The following LSAMP variants were observed in gnomAD, a reference collection of about 807,000 sequenced individuals.
LSAMP encodes the protein limbic system associated membrane protein.
A neutral mutation model predicts 38.6 loss-of-function variants in LSAMP; 7 were observed. That is an observed-to-expected ratio of 0.18 (90% CI 0.10 to 0.34). The LOEUF (loss-of-function observed/expected upper bound fraction) is 0.34, where lower values mean the gene tolerates loss of function less well. LSAMP is among the 10% of genes least tolerant of loss of function. The pLI, the probability that LSAMP is intolerant of heterozygous loss-of-function variation, is 1.00. For missense variants in LSAMP, 313 were observed against 420.0 expected, an observed-to-expected ratio of 0.75 and a Z score of 2.23; for synonymous variants, 154 against 166.8, an observed-to-expected ratio of 0.92 and a Z score of 0.59.
At chr3:115,863,419 G>T (rs1576161735) in intron 3 of LSAMP, among the ~76,000 whole-genome samples, 3 of 152,104 alleles carry the variant, frequency 2.0e-5, no homozygotes, top group East Asian at 1.9e-4. Flanking sequence ...ATGGGTGGTG[G>T]TGGAGGGGTG....
chr3:116,155,413 A>T (rs1271728613), intron 1 of LSAMP, among the ~76,000 whole-genome samples: 2 of 151,876 alleles, frequency 1.3e-5, no homozygotes, highest in East Asian at 3.9e-4. Context: ...TTTTTAGTAG[A>T]GATGGGGTTT....
Position 115,803,085 on chromosome 3 carries a change from A to G in LSAMP, c.*7232T>C, listed in dbSNP as rs1424683773. ...GGTTTTCTTCACTTGCAAGAAGCAT[A>G]TTTGTACTGTGCCTGGCTTTACATA... On this transcript the variant is annotated 3_prime_UTR_variant, in exon 7 of 7. Coordinates refer to ENST00000490035, the MANE Select transcript of LSAMP (RefSeq NM_002338.5). 6.6e-6 allele frequency: 1 copy of G among 151,946 alleles called. No homozygotes were observed. Among genetic ancestry groups the G allele is most frequent in the Non-Finnish European group, 1.5e-5 (1 of 68,044 alleles). 9.4% of individuals were successfully genotyped at this position (151,946 alleles called of 1,614,324 possible). A position where few individuals can be genotyped will look rare whatever the true frequency, so the allele number is the denominator to read the frequency against.
intron 1 of LSAMP, among the ~76,000 whole-genome samples, chr3:116,185,030 CT>C (rs368314567): frequency 0.063 from 7,445 of 117,672 alleles, 243 homozygotes; most frequent in East Asian, 0.12. Flanking sequence ...TTCTTTCTTT[CT>C]TTTTTTTTTT....
At chr3:116,268,451 T>C (rs1049160321) in intron 1 of LSAMP, among the ~76,000 whole-genome samples, 4 of 152,098 alleles carry the variant, frequency 2.6e-5, no homozygotes, top group Non-Finnish European at 5.9e-5. Context: ...ATCTGAGGCA[T>C]GGACGGGGGA....
rs114441070 is a variant in LSAMP at position 116,402,648 on chromosome 3, A to G, written c.155+42229T>C. ...CACACATATACAGACATACGTATAC[A>G]TCATCAAGCATATATATATGCGAGT... On this transcript the variant is annotated intron_variant, in intron 1 of 6. Transcript: ENST00000490035. 8.9e-3 allele frequency among the ~76,000 whole-genome samples: 1,349 copies of G among 152,202 alleles called. 20 individuals carry two copies. Among genetic ancestry groups the G allele is most frequent in the African/African-American group, 0.031 (1,280 of 41,514 alleles).
intron 3 of LSAMP, among the ~76,000 whole-genome samples, chr3:115,929,665 T>C (rs1416831035): frequency 1.3e-5 from 2 of 152,134 alleles, no homozygotes; most frequent in African/African-American, 4.8e-5. Flanking sequence ...TGTAAATTCC[T>C]TTCCTACTCA....
chr3:115,839,590 A>G (rs1934930227), intron 6 of LSAMP, among the ~76,000 whole-genome samples: 1 of 152,124 alleles, frequency 6.6e-6, no homozygotes, highest in African/African-American at 2.4e-5. Flanking sequence ...TTTTGCCTCA[A>G]AGCTTAATGA....
intron 1 of LSAMP, among the ~76,000 whole-genome samples, chr3:116,353,226 G>A (rs1486064221): frequency 6.6e-6 from 1 of 151,966 alleles, no homozygotes; most frequent in East Asian, 1.9e-4. Context: ...GAAATATGAC[G>A]AAGTTATAAA....
chr3:115,814,088 CA>C (rs1244314030), intron 6 of LSAMP: 2 of 152,108 alleles, frequency 1.3e-5, no homozygotes, highest in Admixed American at 6.6e-5. Flanking sequence ...ATCTGGTAAA[CA>C]TTCAGTAAAT....
chr3:115,961,472 C>G (rs1172102400), intron 3 of LSAMP, among the ~76,000 whole-genome samples: 2 of 152,220 alleles, frequency 1.3e-5, no homozygotes, highest in African/African-American at 4.8e-5. Context: ...TTTTTCCCCT[C>G]TTAGACAAAT....
At chr3:115,924,225 A>C (rs933078128) in intron 3 of LSAMP, among the ~76,000 whole-genome samples, 4 of 152,168 alleles carry the variant, frequency 2.6e-5, no homozygotes, top group African/African-American at 9.7e-5. Context: ...TGCCCTTTTA[A>C]ATCACCATTT....
At chr3:116,154,215 T>C (rs985827114) in intron 1 of LSAMP, among the ~76,000 whole-genome samples, 2 of 152,134 alleles carry the variant, frequency 1.3e-5, no homozygotes, top group Non-Finnish European at 2.9e-5. Context: ...AGGATAATTA[T>C]TAATCACAAA....
At chr3:115,934,584 A>C (rs917194536) in intron 3 of LSAMP, among the ~76,000 whole-genome samples, 4 of 152,222 alleles carry the variant, frequency 2.6e-5, no homozygotes, top group Non-Finnish European at 4.4e-5. Flanking sequence ...GATAAAATGG[A>C]CACTGTATTA....
intron 1 of LSAMP, among the ~76,000 whole-genome samples, chr3:116,426,781 A>G (rs1429440850): frequency 6.6e-6 from 1 of 152,152 alleles, no homozygotes; most frequent in Non-Finnish European, 1.5e-5. Flanking sequence ...CTCTGTAACA[A>G]CATGGTGCTG....
At chr3:116,406,598 T>G (rs1340307535) in intron 1 of LSAMP, among the ~76,000 whole-genome samples, 1 of 152,106 alleles carries the variant, frequency 6.6e-6, no homozygotes, top group Non-Finnish European at 1.5e-5. Context: ...TGCATCTTCT[T>G]CTCATCCTTT....
chr3:116,067,418 G>C (rs922593612), intron 2 of LSAMP, among the ~76,000 whole-genome samples: 5 of 152,276 alleles, frequency 3.3e-5, no homozygotes, highest in Non-Finnish European at 4.4e-5. Context: ...CAGTAAGGCT[G>C]CACAGCTTAT....
intron 1 of LSAMP, among the ~76,000 whole-genome samples, chr3:116,160,752 C>T (rs1393497468): frequency 6.6e-6 from 1 of 152,158 alleles, no homozygotes; most frequent in Non-Finnish European, 1.5e-5. Context: ...TGAGGACATA[C>T]TCTATGAAGC....
At chr3:115,929,509 A>T (rs1255035613) in intron 3 of LSAMP, among the ~76,000 whole-genome samples, 1 of 152,134 alleles carries the variant, frequency 6.6e-6, no homozygotes, top group Non-Finnish European at 1.5e-5. Flanking sequence ...CTAAAGACAA[A>T]AAACTTTCTT....
At chr3:116,114,784 T>C (rs1260118816) in intron 1 of LSAMP, among the ~76,000 whole-genome samples, 1 of 152,232 alleles carries the variant, frequency 6.6e-6, no homozygotes, top group Middle Eastern at 3.2e-3. Flanking sequence ...TGCCTACACT[T>C]TGGATCATTC....
Sources: allele counts gnomAD v4.1 joint callset (sites outside exome capture counted in the v4.1 genomes callset), GRCh38; gene constraint gnomAD v4.1.1; transcripts MANE v1.5; gene names NCBI Gene and HGNC (gene_info 2026-07-23, HGNC 2026-07-21).